The following ANKDD1B variants were observed in gnomAD, a reference collection of about 807,000 sequenced individuals.
ANKDD1B encodes ankyrin repeat and death domain containing 1B.
A neutral mutation model predicts 59.7 loss-of-function variants in ANKDD1B; 57 were observed. The ratio of observed to expected loss-of-function variants is 0.95; its 90% CI spans 0.77 to 1.19. The LOEUF is 1.19. Ranked by LOEUF, ANKDD1B falls within the 50% of genes most tolerant of loss-of-function variation. The probability of loss-of-function intolerance (pLI) is 0.00; values close to 1 mark genes in which losing one functional copy is unlikely to be tolerated. For synonymous variants in ANKDD1B, 216 were observed against 239.5 expected (o/e 0.90, Z 0.91); for missense variants, 602 against 641.9 (o/e 0.94, Z 0.67).
chr5:75,617,140 C>CT (rs1773736190), intron 2 of ANKDD1B, among the ~76,000 whole-genome samples: 2 of 152,108 alleles, frequency 1.3e-5, no homozygotes, highest in Admixed American at 1.3e-4. Flanking sequence ...ATCTTCATGC[C>CT]TATCTGTTCA....
At chr5:75,641,642 C>T (rs1774464063) in intron 7 of ANKDD1B, among the ~76,000 whole-genome samples, 1 of 152,166 alleles carries the variant, frequency 6.6e-6, no homozygotes, top group Non-Finnish European at 1.5e-5. Flanking sequence ...TTTTAGAGAT[C>T]TTTATATCCA....
At chr5:75,648,262 AAAATT>A (rs1413188671) in intron 7 of ANKDD1B, among the ~76,000 whole-genome samples, 24 of 10,512 alleles carry the variant, frequency 2.3e-3, no homozygotes, top group African/African-American at 4.5e-3. Flanking sequence ...TTAAAAAAAA[AAAATT>A]AAAAAAAAAA....
intron 13 of ANKDD1B, among the ~76,000 whole-genome samples, chr5:75,670,693 T>C (rs1700054648): frequency 6.6e-6 from 1 of 152,204 alleles, no homozygotes; most frequent in African/African-American, 2.4e-5. Context: ...CCATAAGAAC[T>C]CTTAGAGAAG....
chr5:75,648,270 A>AAAAATT (rs1554068888), intron 7 of ANKDD1B, among the ~76,000 whole-genome samples: 1 of 88,112 alleles, frequency 1.1e-5, no homozygotes, highest in Non-Finnish European at 1.9e-5. Flanking sequence ...AAAAAATTAA[A>AAAAATT]AAAAAAAAAA....
rs956557462 is a variant in ANKDD1B, at chr5:75,666,896, G to A, written c.1296G>A (p.Leu432=). 33 of 1,533,820 alleles carry A rather than the reference G, an allele frequency of 2.2e-5. No homozygotes were observed. The highest frequency in any genetic ancestry group is 2.8e-5 in the Non-Finnish European group (32 of 1,146,170). ...ACATTCGCACGCTTCTCTGGGACCT[G>A]GCTTACCATCAGCTGAAGGCCAATG... ...TRHIRTLLWD[L]AYHQLKANEW... The change falls in exon 12 of 14, where the codon CTG becomes CTA. Residue 432 remains leucine (L), a synonymous_variant. Coordinates refer to ENST00000601380, the MANE Select transcript of ANKDD1B (RefSeq NM_001276713.2).
In ANKDD1B at chr5:75,669,409, ATTCT is replaced by A. The variant is rs558809255; in HGVS notation, c.1525+31_1525+34del. Reference sequence around the variant, plus strand: ...GTAAGTGACAGTTTCAACAACAGAAATTCTTTCTCCCTTAAAATTTCAGGAAGCA... The same window carrying A: ...GTAAGTGACAGTTTCAACAACAGAAATTCTCCCTTAAAATTTCAGGAAGCA... On this transcript the variant is annotated intron_variant, in intron 13 of 13. Coordinates refer to ENST00000601380, the MANE Select transcript of ANKDD1B (RefSeq NM_001276713.2). 1.1e-5 allele frequency: 14 copies of A among 1,231,774 alleles called. No individual in the cohort carries two copies. The South Asian group carries it at 2.9e-4, about 25-fold the overall frequency. 76.3% of individuals were successfully genotyped at this position (1,231,774 alleles called of 1,614,324 possible).
intron 3 of ANKDD1B, among the ~76,000 whole-genome samples, chr5:75,622,379 A>G (rs537379183): frequency 1.3e-5 from 2 of 152,304 alleles, no homozygotes; most frequent in African/African-American, 2.4e-5. Context: ...AAGCACTGGT[A>G]TGAAATAGAG....
intron 1 of ANKDD1B, among the ~76,000 whole-genome samples, chr5:75,612,506 C>A (rs143185711): frequency 1.3e-5 from 2 of 151,964 alleles, no homozygotes; most frequent in East Asian, 1.9e-4. Context: ...CTGGCTGGGA[C>A]GGCCTTATTT....
At chr5:75,649,249 A>G (rs1475774663) in intron 7 of ANKDD1B, among the ~76,000 whole-genome samples, 1 of 119,168 alleles carries the variant, frequency 8.4e-6, no homozygotes, top group Non-Finnish European at 1.8e-5. Context: ...TTTTGCAATT[A>G]TTTGGCTATG....
intron 1 of ANKDD1B, among the ~76,000 whole-genome samples, chr5:75,612,911 C>T (rs2112947918): frequency 6.6e-6 from 1 of 152,126 alleles, no homozygotes; most frequent in Middle Eastern, 3.4e-3. Flanking sequence ...TATATAAACC[C>T]TAGGGCATTC....
intron 12 of ANKDD1B, among the ~76,000 whole-genome samples, chr5:75,668,790 G>A (rs1211475603): frequency 6.6e-6 from 1 of 152,222 alleles, no homozygotes; most frequent in Non-Finnish European, 1.5e-5. Flanking sequence ...AGAATGAATG[G>A]TGCATGCTTG....
At chr5:75,652,386 T>C (rs1774856575) in intron 7 of ANKDD1B, among the ~76,000 whole-genome samples, 1 of 152,198 alleles carries the variant, frequency 6.6e-6, no homozygotes, top group Admixed American at 6.5e-5. Flanking sequence ...ACAATTGCTT[T>C]TGTACCATCC....
intron 7 of ANKDD1B, among the ~76,000 whole-genome samples, chr5:75,650,693 G>A (rs17672204): frequency 0.027 from 4,118 of 152,248 alleles, 123 homozygotes; most frequent in South Asian, 0.1. Flanking sequence ...CTAGATTTCA[G>A]TTGGTCAGAG....
At position 75,611,849 on chromosome 5, in the gene ANKDD1B, C is replaced by T. The variant is rs1773567214; in HGVS notation, c.193+22C>T. 2.4e-6 allele frequency: 3 copies of T among 1,231,736 alleles called. No individual in the cohort carries two copies. In the Admixed American group the frequency reaches 1.3e-4, roughly 52 times the overall value. 76.3% of individuals were successfully genotyped at this position (1,231,736 alleles called of 1,614,324 possible). A position where few individuals can be genotyped will look rare whatever the true frequency, so the allele number is the denominator to read the frequency against. ...CTCCGTGAGTCCCGGGACGAGGTCT[C>T]AGAAAATCAGGCTGCGGGGCGGGCT... is the stretch of plus-strand genomic sequence containing the variant. On this transcript the variant is annotated intron_variant, in intron 1 of 13. Transcript: ENST00000601380.
At chr5:75,621,420 C>T (rs1020997974) in intron 3 of ANKDD1B, among the ~76,000 whole-genome samples, 1 of 152,052 alleles carries the variant, frequency 6.6e-6, no homozygotes, top group Non-Finnish European at 1.5e-5. Flanking sequence ...TTCCCCAATC[C>T]ACCTGATACC....
At chr5:75,644,236 C>A (rs1774573744) in intron 7 of ANKDD1B, among the ~76,000 whole-genome samples, 1 of 40,940 alleles carries the variant, frequency 2.4e-5, no homozygotes, top group Admixed American at 2.6e-4. Context: ...GGATCAAATT[C>A]ACACATAACA....
chr5:75,636,538 CAGCAGAT>C (rs1232207510), intron 7 of ANKDD1B, among the ~76,000 whole-genome samples: 2 of 152,100 alleles, frequency 1.3e-5, no homozygotes, highest in Non-Finnish European at 2.9e-5. Flanking sequence ...CTGTGGTTGC[CAGCAGAT>C]ACCTTGAAGG....
intron 7 of ANKDD1B, among the ~76,000 whole-genome samples, chr5:75,637,707 A>C (rs1331038292): frequency 6.6e-6 from 1 of 152,212 alleles, no homozygotes; most frequent in Non-Finnish European, 1.5e-5. Context: ...AATAAGCAAG[A>C]TAACTCAGTT....
rs534287942 is a variant in ANKDD1B, at chr5:75,670,857, A to G, written c.1526-122A>G. 78 of 397,068 alleles carry G rather than the reference A, an allele frequency of 2.0e-4. No individual in the cohort carries two copies. In the East Asian group the frequency reaches 2.9e-3, roughly 15 times the overall value. The allele number at this position is 397,068 out of a possible 1,614,324, so 24.6% of individuals were successfully genotyped here. ...ACAACCTTCTCATTTATTAACTAGG[A>G]AAGAAAATAAAAATGTTTACTTCAA... On this transcript the variant is annotated intron_variant, in intron 13 of 13. Transcript: ENST00000601380.
Sources: allele counts gnomAD v4.1 joint callset (sites outside exome capture counted in the v4.1 genomes callset), GRCh38; gene constraint gnomAD v4.1.1; transcripts MANE v1.5; gene names NCBI Gene and HGNC (gene_info 2026-07-23, HGNC 2026-07-21).